NAALADL2: variants seen among roughly 807,000 people sequenced by gnomAD.
The protein encoded by NAALADL2 is N-acetylated alpha-linked acidic dipeptidase like 2.
Under a neutral mutation model 87.2 loss-of-function variants are expected in NAALADL2, and 76 were observed. That is an observed-to-expected ratio of 0.87 (90% CI 0.72 to 1.05). The LOEUF (loss-of-function observed/expected upper bound fraction) is 1.05, where lower values mean the gene tolerates loss of function less well. NAALADL2 is among the 50% of genes least tolerant of loss of function. NAALADL2 has a pLI of 0.00. For synonymous variants in NAALADL2, 354 were observed against 331.0 expected (o/e 1.07, Z -0.75); for missense variants, 1,089 against 945.8 (o/e 1.15, Z -1.99).
intron 10 of NAALADL2, among the ~76,000 whole-genome samples, chr3:175,583,167 T>C (rs1720027706): frequency 6.6e-6 from 1 of 152,200 alleles, no homozygotes; most frequent in African/African-American, 2.4e-5. Flanking sequence ...CAACAGCTTA[T>C]TATAAAATAG....
At chr3:175,694,328 A>G (rs372402643) in intron 11 of NAALADL2, among the ~76,000 whole-genome samples, 1 of 152,218 alleles carries the variant, frequency 6.6e-6, no homozygotes, top group South Asian at 2.1e-4. Flanking sequence ...TATTTTAAAA[A>G]TAGCATTTCC....
chr3:175,549,145 AT>A (rs1486826992), intron 9 of NAALADL2, among the ~76,000 whole-genome samples: 1 of 32,662 alleles, frequency 3.1e-5, no homozygotes, highest in African/African-American at 8.8e-5. Context: ...ATTATCACTT[AT>A]TTTCCCTTGC....
intron 4 of NAALADL2, among the ~76,000 whole-genome samples, chr3:175,300,406 A>G (rs1030293292): frequency 1.3e-5 from 2 of 152,180 alleles, no homozygotes; most frequent in African/African-American, 2.4e-5. Context: ...TCAGCTGTGA[A>G]TCCATCTGGT....
intron 2 of NAALADL2, among the ~76,000 whole-genome samples, chr3:174,703,837 G>T (rs572513996): frequency 1.2e-3 from 179 of 152,050 alleles, no homozygotes; most frequent in African/African-American, 4.2e-3. Context: ...TTTTTCTTTT[G>T]CTTCACCCTG....
At chr3:174,551,356 T>C (rs1712108203) in intron 2 of NAALADL2, 1 of 152,192 alleles carries the variant, frequency 6.6e-6, no homozygotes, top group Admixed American at 6.5e-5. Context: ...ATGGCTAATA[T>C]ATTACCAGAT....
intron 2 of NAALADL2, among the ~76,000 whole-genome samples, chr3:175,230,468 C>A (rs1396834106): frequency 1.3e-5 from 2 of 151,894 alleles, no homozygotes; most frequent in Admixed American, 6.6e-5. Flanking sequence ...AAAACAAGAG[C>A]AGTTATTCTA....
intron 5 of NAALADL2, among the ~76,000 whole-genome samples, chr3:175,365,640 C>A (rs956897502): frequency 6.8e-6 from 1 of 146,664 alleles, no homozygotes; most frequent in Non-Finnish European, 1.5e-5. Flanking sequence ...ATCAAAATAC[C>A]AGGTCTGAAA....
chr3:174,984,566 A>C (rs2108671417), intron 1 of NAALADL2, among the ~76,000 whole-genome samples: 1 of 152,344 alleles, frequency 6.6e-6, no homozygotes, highest in South Asian at 2.1e-4. Flanking sequence ...ATCTGTTTTA[A>C]AAATCTTTAG....
At chr3:175,671,502 G>T (rs1468421509) in intron 11 of NAALADL2, among the ~76,000 whole-genome samples, 1 of 151,870 alleles carries the variant, frequency 6.6e-6, no homozygotes, top group Non-Finnish European at 1.5e-5. Flanking sequence ...TATATGTTGA[G>T]AAAATGAAGA....
intron 11 of NAALADL2, among the ~76,000 whole-genome samples, chr3:175,653,478 C>T (rs1731058430): frequency 6.6e-6 from 1 of 152,274 alleles, no homozygotes. Context: ...GCGCTGATTT[C>T]CATCAAGTCT....
intron 13 of NAALADL2, among the ~76,000 whole-genome samples, chr3:175,796,508 T>G (rs543374389): frequency 6.6e-6 from 1 of 152,310 alleles, no homozygotes; most frequent in South Asian, 2.1e-4. Context: ...TCAAAGGATA[T>G]GTGTAGTATA....
chr3:174,782,148 T>C (rs933637408), intron 3 of NAALADL2, among the ~76,000 whole-genome samples: 4 of 152,106 alleles, frequency 2.6e-5, no homozygotes, highest in African/African-American at 9.7e-5. Flanking sequence ...TTCAAGCTGT[T>C]AAAGTGCTAC....
chr3:174,762,909 G>A (rs1472530728), intron 3 of NAALADL2, among the ~76,000 whole-genome samples: 1 of 152,100 alleles, frequency 6.6e-6, no homozygotes, highest in Non-Finnish European at 1.5e-5. Context: ...TAATTGAAAT[G>A]TATCTTTATA....
At chr3:174,849,496 G>C (rs991415790) in intron 3 of NAALADL2, among the ~76,000 whole-genome samples, 2 of 152,090 alleles carry the variant, frequency 1.3e-5, no homozygotes, top group East Asian at 3.9e-4. Flanking sequence ...CAGCACTTTG[G>C]GGGGCCGAGG....
At chr3:174,472,683 A>AT (rs1301512278) in intron 1 of NAALADL2, among the ~76,000 whole-genome samples, 1 of 151,902 alleles carries the variant, frequency 6.6e-6, no homozygotes, top group Non-Finnish European at 1.5e-5. Flanking sequence ...TGTCATACAT[A>AT]TTTTTTTCAT....
chr3:175,612,954 A>G (rs1231337738), intron 10 of NAALADL2, among the ~76,000 whole-genome samples: 4 of 152,148 alleles, frequency 2.6e-5, no homozygotes, highest in Admixed American at 2.6e-4. Context: ...CCTCTACCCC[A>G]GGGATAGCCG....
intron 3 of NAALADL2, among the ~76,000 whole-genome samples, chr3:174,836,380 A>G (rs1036380307): frequency 1.3e-4 from 20 of 152,268 alleles, no homozygotes; most frequent in African/African-American, 4.8e-4. Flanking sequence ...CAGTTTCACA[A>G]CATGAAAATG....
At chr3:174,743,755 T>C (rs1350129978) in intron 3 of NAALADL2, among the ~76,000 whole-genome samples, 1 of 151,932 alleles carries the variant, frequency 6.6e-6, no homozygotes, top group Non-Finnish European at 1.5e-5. Flanking sequence ...ACACCTTTTC[T>C]ACAGCCAGTA....
chr3:174,981,371 C>T (rs1212059271), intron 1 of NAALADL2, among the ~76,000 whole-genome samples: 3 of 152,058 alleles, frequency 2.0e-5, no homozygotes, highest in African/African-American at 7.2e-5. Context: ...TTTTAAGTGG[C>T]TTCAGAACAG....
Sources: gnomAD v4.1 joint callset for allele counts (sites outside exome capture counted in the v4.1 genomes callset) on GRCh38, gnomAD v4.1.1 for gene constraint, MANE v1.5 for transcripts, NCBI Gene and HGNC (gene_info 2026-07-23, HGNC 2026-07-21) for gene names.